LRP1B: variants seen among roughly 807,000 people sequenced by gnomAD.
LRP1B encodes LDL receptor related protein 1B.
LRP1B carries 217 observed loss-of-function variants against 556.6 expected under a neutral mutation model. That is an observed-to-expected ratio of 0.39 (90% CI 0.35 to 0.44). LRP1B has a LOEUF of 0.44. Ranked by LOEUF, LRP1B falls within the 20% of genes least tolerant of loss-of-function variation. LRP1B has a pLI of 1.00. For missense variants in LRP1B, 5,053 were observed against 5,620.8 expected, an observed-to-expected ratio of 0.90 and a Z score of 3.23; for synonymous variants, 2,047 against 1,865.8, an observed-to-expected ratio of 1.10 and a Z score of -2.50.
At chr2:141,002,151 C>G (rs956828531) in intron 15 of LRP1B, among the ~76,000 whole-genome samples, 2 of 151,902 alleles carry the variant, frequency 1.3e-5, no homozygotes, top group African/African-American at 4.8e-5. Context: ...CCTGGTGACT[C>G]AGAGAAAGTT....
At chr2:141,495,885 A>G (rs1683491718) in intron 2 of LRP1B, among the ~76,000 whole-genome samples, 1 of 152,128 alleles carries the variant, frequency 6.6e-6, no homozygotes, top group South Asian at 2.1e-4. Context: ...TGTTCTCATT[A>G]TGATATTATC....
In LRP1B at chr2:141,905,271, G is replaced by A. The variant is rs1338511555; in HGVS notation, c.83-94870C>T. Reference sequence around the variant, plus strand: ...GGCTCCAAAGGCATCTTCTTTAGCTGTAATGGTGGGAAGGCTGAGGAGTTG... The same window carrying A: ...GGCTCCAAAGGCATCTTCTTTAGCTATAATGGTGGGAAGGCTGAGGAGTTG... On this transcript the variant is annotated intron_variant, in intron 1 of 90. Transcript: ENST00000389484. Among the ~76,000 whole-genome samples the A allele has an allele frequency of 2.0e-5, 3 of 151,894 alleles. No homozygotes were observed. The East Asian group carries it at 5.8e-4, about 29-fold the overall frequency.
chr2:141,627,326 T>C (rs537356796), intron 2 of LRP1B, among the ~76,000 whole-genome samples: 1 of 152,360 alleles, frequency 6.6e-6, no homozygotes, highest in South Asian at 2.1e-4. Context: ...CAGAGGATTT[T>C]AGGTAGTGAA....
At chr2:140,851,570 T>C (rs1174591163) in intron 28 of LRP1B, 82 bp downstream of exon 28, 1 of 1,503,076 alleles carries the variant, frequency 6.7e-7, no homozygotes, top group Non-Finnish European at 9.0e-7. Context: ...TCTGCTTTAA[T>C]ATGAGTAAAA....
At chr2:141,923,148 G>T (rs777579984) in intron 1 of LRP1B, among the ~76,000 whole-genome samples, 1 of 151,622 alleles carries the variant, frequency 6.6e-6, no homozygotes, top group Non-Finnish European at 1.5e-5. Flanking sequence ...GAGAACTGAA[G>T]GAGATTCCAC....
chr2:141,742,910 T>G (rs1693763962), intron 2 of LRP1B, among the ~76,000 whole-genome samples: 1 of 152,172 alleles, frequency 6.6e-6, no homozygotes, highest in Admixed American at 6.6e-5. Flanking sequence ...TTCAAATTAT[T>G]CATTGTTGGC....
chr2:140,521,723 C>G (rs1385777), intron 49 of LRP1B, among the ~76,000 whole-genome samples: 116,577 of 151,948 alleles, frequency 0.77, 45,399 homozygotes, highest in Middle Eastern at 0.88. Flanking sequence ...AAAAGACATA[C>G]AGTTGTAAAC....
At chr2:141,745,450 A>G (rs754707675) in intron 2 of LRP1B, among the ~76,000 whole-genome samples, 4 of 151,956 alleles carry the variant, frequency 2.6e-5, no homozygotes, top group East Asian at 1.9e-4. Flanking sequence ...GCCTCACCCT[A>G]TGGCCACCAC....
intron 1 of LRP1B, among the ~76,000 whole-genome samples, chr2:142,124,164 T>A (rs1707558165): frequency 6.6e-6 from 1 of 151,838 alleles, no homozygotes. Context: ...GCCCAATAGT[T>A]ATCCTTTCTG....
chr2:140,562,548 T>C (rs1574082257), intron 43 of LRP1B, among the ~76,000 whole-genome samples: 1 of 152,280 alleles, frequency 6.6e-6, no homozygotes, highest in East Asian at 1.9e-4. Context: ...ATGAGATTAA[T>C]AATAATTTTC....
At chr2:141,021,966 T>A (rs1326748437) in intron 11 of LRP1B, among the ~76,000 whole-genome samples, 1 of 151,922 alleles carries the variant, frequency 6.6e-6, no homozygotes, top group Non-Finnish European at 1.5e-5. Context: ...ATATTTTATA[T>A]CTCTTCTGTC....
intron 41 of LRP1B, among the ~76,000 whole-genome samples, chr2:140,686,509 T>C (rs1686058413): frequency 6.6e-6 from 1 of 151,886 alleles, no homozygotes. Context: ...ATAATAATCA[T>C]TATTATAAAA....
chr2:141,851,625 G>T (rs1206826946), intron 1 of LRP1B, among the ~76,000 whole-genome samples: 1 of 151,610 alleles, frequency 6.6e-6, no homozygotes, highest in Non-Finnish European at 1.5e-5. Flanking sequence ...ACATCAGATG[G>T]GCATTGAGTA....
intron 67 of LRP1B, 25 bp from the exon 68 acceptor site, chr2:140,378,311 G>T: frequency 1.6e-6 from 2 of 1,281,862 alleles, no homozygotes; most frequent in Non-Finnish European, 2.3e-6. Context: ...ACAGCACAGG[G>T]TTATTCTATT....
intron 2 of LRP1B, among the ~76,000 whole-genome samples, chr2:141,782,682 T>C (rs1363016600): frequency 6.6e-6 from 1 of 151,968 alleles, no homozygotes; most frequent in African/African-American, 2.4e-5. Flanking sequence ...AGTTAGCAAG[T>C]AAAATTACTA....
chr2:140,737,445 C>T (rs1687983993), intron 35 of LRP1B, among the ~76,000 whole-genome samples: 1 of 152,102 alleles, frequency 6.6e-6, no homozygotes, highest in African/African-American at 2.4e-5. Context: ...ATAAATGGGC[C>T]TCAGTTACAT....
rs1258906215 is a variant in LRP1B, at chr2:140,813,800, G to A, written c.5216C>T (p.Ser1739Leu). ...AAGCTTGTTTTCCACATAGTCTATC[G>A]ATAGACCTGTAATTAAATTTTACAA... Reference protein sequence around the residue: ...FQNQKEPVGLSIDYVENKLYW... With the variant: ...FQNQKEPVGLLIDYVENKLYW... Residue 1739 changes from serine (S) to leucine (L), a missense_variant, in exon 32 of 91, where the codon TCG becomes TTG. This residue lies in a region of LRP1B where 3,619 missense variants were observed against 3,931.9 expected (regional missense o/e 0.92). Coordinates refer to ENST00000389484, the MANE Select transcript of LRP1B (RefSeq NM_018557.3). The A allele has an allele frequency of 3.1e-6, 5 of 1,600,940 alleles. No homozygotes were observed. Among genetic ancestry groups the A allele is most frequent in the South Asian group, 2.2e-5 (2 of 89,686 alleles).
In LRP1B at chr2:140,525,945, C is replaced by T. The variant is rs1158761671; in HGVS notation, c.7925G>A (p.Gly2642Glu). ...TGAGGTAGAATTACATCTTATGAACCCTGTGGTTTTCACTCCAAGCTTATA... is the reference window on the plus strand; with the variant it reads ...TGAGGTAGAATTACATCTTATGAACTCTGTGGTTTTCACTCCAAGCTTATA... The part of the protein sequence containing the change: ...HFYKLGVKTT[G>E]FIRCNSTSLC... Residue 2642 changes from glycine (G) to glutamate (E), a missense_variant, in exon 49 of 91, where the codon GGG becomes GAG. Gly to Glu is a moderately conservative substitution (Grantham distance 98). Around this residue, in one of 5 missense-constraint regions of LRP1B, gnomAD observed 3,619 missense variants for 3,931.9 expected, o/e 0.92. Coordinates refer to ENST00000389484, the MANE Select transcript of LRP1B (RefSeq NM_018557.3). 1.2e-6 allele frequency: 2 copies of T among 1,612,100 alleles called. No individual in the cohort carries two copies. Among genetic ancestry groups the T allele is most frequent in the Non-Finnish European group, 1.7e-6 (2 of 1,178,850 alleles).
chr2:140,877,193 A>G (rs1573832445), intron 25 of LRP1B, among the ~76,000 whole-genome samples: 2 of 152,166 alleles, frequency 1.3e-5, no homozygotes, highest in Non-Finnish European at 2.9e-5. Flanking sequence ...ATTTAAAGCC[A>G]CATATATAAA....
Sources: gnomAD v4.1 joint callset for allele counts (sites outside exome capture counted in the v4.1 genomes callset) on GRCh38, gnomAD v4.1.1 for gene constraint, gnomAD v4.1.1 regional missense constraint, MANE v1.5 for transcripts, NCBI Gene and HGNC (gene_info 2026-07-23, HGNC 2026-07-21) for gene names.